The following CMSS1 variants were observed in gnomAD, a reference collection of about 807,000 sequenced individuals.
The protein encoded by CMSS1 is cms1 ribosomal small subunit homolog.
In CMSS1, 33 loss-of-function variants were observed where a neutral mutation model predicts 43.5. The observed-to-expected ratio is 0.76, with a 90% CI of 0.57 to 1.01. CMSS1 has a LOEUF of 1.01. CMSS1 is among the 50% of genes least tolerant of loss of function. CMSS1 has a pLI of 0.00. For missense variants in CMSS1, 313 were observed against 326.4 expected, an observed-to-expected ratio of 0.96 and a Z score of 0.32; for synonymous variants, 115 against 117.2, an observed-to-expected ratio of 0.98 and a Z score of 0.12.
At chr3:99,971,063 C>T (rs1027082672) in intron 1 of CMSS1, among the ~76,000 whole-genome samples, 32 of 152,240 alleles carry the variant, frequency 2.1e-4, no homozygotes, top group East Asian at 5.8e-4. Context: ...GGGGGCTGGG[C>T]GTGGTGGCTC....
intron 1 of CMSS1, among the ~76,000 whole-genome samples, chr3:100,130,437 C>T (rs138780930): frequency 8.2e-4 from 125 of 152,260 alleles, no homozygotes; most frequent in African/African-American, 2.8e-3. Context: ...ATTATGTGGC[C>T]ATCTCATTGA....
chr3:100,157,334 A>G (rs1033959825), intron 2 of CMSS1, among the ~76,000 whole-genome samples: 3 of 151,930 alleles, frequency 2.0e-5, no homozygotes, highest in African/African-American at 7.3e-5. Flanking sequence ...ATGAATTGTC[A>G]TTATTTTGAG....
intron 1 of CMSS1, among the ~76,000 whole-genome samples, chr3:100,017,029 T>G (rs1710364133): frequency 6.6e-6 from 1 of 152,226 alleles, no homozygotes; most frequent in Non-Finnish European, 1.5e-5. Context: ...TTTGTTAGTT[T>G]TTCAAATTCA....
chr3:100,017,262 C>T (rs1017043847), intron 1 of CMSS1, among the ~76,000 whole-genome samples: 27 of 152,134 alleles, frequency 1.8e-4, no homozygotes, highest in Admixed American at 9.8e-4. Flanking sequence ...TTATACAGAG[C>T]GGAAAGCACT....
At chr3:99,941,727 G>C (rs901722602) in intron 1 of CMSS1, among the ~76,000 whole-genome samples, 1 of 152,162 alleles carries the variant, frequency 6.6e-6, no homozygotes, top group Non-Finnish European at 1.5e-5. Context: ...AGTTTTCAAG[G>C]AGTATTTAAT....
At chr3:99,838,051 CT>C (rs754890220) in intron 1 of CMSS1, among the ~76,000 whole-genome samples, 116 of 152,340 alleles carry the variant, frequency 7.6e-4, no homozygotes, top group Non-Finnish European at 9.4e-4. Flanking sequence ...AATCAGGTAC[CT>C]CCTGCTCTGC....
At chr3:100,060,229 A>G (rs538256110) in intron 1 of CMSS1, among the ~76,000 whole-genome samples, 14 of 152,216 alleles carry the variant, frequency 9.2e-5, no homozygotes, top group South Asian at 4.2e-4. Context: ...TTGATCTACT[A>G]TTTTAGAAAA....
intron 1 of CMSS1, among the ~76,000 whole-genome samples, chr3:100,038,023 C>T (rs1559735259): frequency 6.7e-6 from 1 of 149,606 alleles, no homozygotes; most frequent in Non-Finnish European, 1.5e-5. Context: ...GGCACAATCT[C>T]GGCTCACTGC....
chr3:99,937,133 TCA>T (rs1707704272), intron 1 of CMSS1, among the ~76,000 whole-genome samples: 1 of 152,014 alleles, frequency 6.6e-6, no homozygotes, highest in Non-Finnish European at 1.5e-5. Context: ...AGATGGAGTT[TCA>T]CCATGTTGGC....
chr3:100,106,569 G>A lies in CMSS1; in HGVS notation c.65-40404G>A, dbSNP rs537311708. Among the ~76,000 whole-genome samples, 91 of 152,278 alleles carry A rather than the reference G, an allele frequency of 6.0e-4. 1 individual carries two copies. Among genetic ancestry groups the A allele is most frequent in the African/African-American group, 1.5e-3 (62 of 41,566 alleles). ...TTGAGAGCTGGAGAATGATTTCTTA[G>A]TTGAAAAAGATCTGCCTTCATGTGT... On this transcript the variant is annotated intron_variant, in intron 1 of 9. Transcript: ENST00000421999.
chr3:99,901,879 C>T (rs1166274530), intron 1 of CMSS1, among the ~76,000 whole-genome samples: 2 of 152,038 alleles, frequency 1.3e-5, no homozygotes. Flanking sequence ...AGTGGTACCA[C>T]CTGCCTTGTC....
intron 1 of CMSS1, among the ~76,000 whole-genome samples, chr3:100,140,260 C>T (rs2066794147): frequency 6.6e-6 from 1 of 151,736 alleles, no homozygotes; most frequent in Non-Finnish European, 1.5e-5. Context: ...AAAGAAGCTG[C>T]TTACAGCTTA....
chr3:100,133,387 T>C (rs2066725444), intron 1 of CMSS1, among the ~76,000 whole-genome samples: 1 of 152,096 alleles, frequency 6.6e-6, no homozygotes, highest in Non-Finnish European at 1.5e-5. Flanking sequence ...AGAACAAAAG[T>C]AAATACCAAA....
In CMSS1 at chr3:100,132,171, C is replaced by G. The variant is rs183506556; in HGVS notation, c.65-14802C>G. Among the ~76,000 whole-genome samples, 318 of 150,928 alleles carry G rather than the reference C, an allele frequency of 2.1e-3. 2 individuals carry two copies. The highest frequency in any genetic ancestry group is 7.5e-3 in the African/African-American group (309 of 41,084). ...CTGTAATCGCAGTGCTTTGGGAGGC[C>G]AAGGCAGATTGCTTAAGGCCAGGAG... On this transcript the variant is annotated intron_variant, in intron 1 of 9. Coordinates refer to ENST00000421999, the MANE Select transcript of CMSS1 (RefSeq NM_032359.4).
intron 1 of CMSS1, among the ~76,000 whole-genome samples, chr3:100,069,288 C>A (rs1270889791): frequency 6.6e-6 from 1 of 151,344 alleles, no homozygotes; most frequent in Non-Finnish European, 1.5e-5. Flanking sequence ...TCTCTTCATC[C>A]TGTTGTAGGC....
chr3:99,868,302 G>A (rs1385040174), intron 1 of CMSS1, among the ~76,000 whole-genome samples: 1 of 152,158 alleles, frequency 6.6e-6, no homozygotes, highest in Non-Finnish European at 1.5e-5. Context: ...GGTTAGGCAC[G>A]CTAGAGACAG....
At chr3:99,871,679 G>A (rs989238259) in intron 1 of CMSS1, among the ~76,000 whole-genome samples, 14 of 152,104 alleles carry the variant, frequency 9.2e-5, no homozygotes, top group African/African-American at 2.9e-4. Context: ...AGCTGCGGAC[G>A]TCTGAGGAGT....
chr3:100,146,872 T>TA lies in CMSS1; in HGVS notation c.65-96dup, dbSNP rs1208178746. The TA allele has an allele frequency of 5.7e-6, 8 of 1,408,014 alleles. No homozygotes were observed. In the African/African-American group the frequency reaches 1.0e-4, roughly 18 times the overall value. The allele number at this position is 1,408,014 out of a possible 1,614,324, so 87.2% of individuals were successfully genotyped here. A position where few individuals can be genotyped will look rare whatever the true frequency, so the allele number is the denominator to read the frequency against. ...AAGTGCAGCTTCTTTGAGGTAGAATTAAAAAGTGAAGAGATAGAACCTTCT... is the reference window on the plus strand; with the variant it reads ...AAGTGCAGCTTCTTTGAGGTAGAATTAAAAAAGTGAAGAGATAGAACCTTCT... On this transcript the variant is annotated intron_variant, in intron 1 of 9. Transcript: ENST00000421999.
intron 1 of CMSS1, chr3:99,964,365 C>T (rs1708584087): frequency 6.7e-6 from 1 of 149,154 alleles, no homozygotes; most frequent in Non-Finnish European, 1.5e-5. Flanking sequence ...ATTTCTAAGT[C>T]TCTTGAGTAC....
Sources: allele counts gnomAD v4.1 joint callset (sites outside exome capture counted in the v4.1 genomes callset), GRCh38; gene constraint gnomAD v4.1.1; transcripts MANE v1.5; gene names NCBI Gene and HGNC (gene_info 2026-07-23, HGNC 2026-07-21).